The following COL25A1 variants were observed in gnomAD, a reference collection of about 807,000 sequenced individuals.
COL25A1 encodes the protein collagen type XXV alpha 1 chain, also known as collagen alpha-1(XXV) chain.
A neutral mutation model predicts 128.4 loss-of-function variants in COL25A1; 103 were observed. That is an observed-to-expected ratio of 0.80 (90% confidence interval 0.68 to 0.94). The LOEUF is 0.94. Ranked by LOEUF, COL25A1 falls within the 40% of genes least tolerant of loss-of-function variation. COL25A1 has a pLI of 0.00. For missense variants in COL25A1, 745 were observed against 840.0 expected (o/e 0.89, Z 1.40); for synonymous variants, 279 against 277.2 (o/e 1.01, Z -0.06).
At chr4:109,215,958 G>GAT (rs1262347565) in intron 3 of COL25A1, among the ~76,000 whole-genome samples, 1 of 152,088 alleles carries the variant, frequency 6.6e-6, no homozygotes, top group Non-Finnish European at 1.5e-5. Flanking sequence ...ATTGGGTTCA[G>GAT]ATAGGTATGT....
chr4:108,930,017 T>C (rs1746536459), intron 11 of COL25A1, among the ~76,000 whole-genome samples: 1 of 152,156 alleles, frequency 6.6e-6, no homozygotes, highest in Non-Finnish European at 1.5e-5. Flanking sequence ...GTCACTCTTA[T>C]TATTAAACAC....
chr4:109,277,491 A>G (rs1337839073), intron 3 of COL25A1, among the ~76,000 whole-genome samples: 2 of 152,126 alleles, frequency 1.3e-5, no homozygotes, highest in South Asian at 2.1e-4. Flanking sequence ...TTTGAAACAG[A>G]TTTTTTAAAA....
chr4:108,998,575 A>G (rs531924978), intron 6 of COL25A1, among the ~76,000 whole-genome samples: 64 of 152,346 alleles, frequency 4.2e-4, no homozygotes, highest in Non-Finnish European at 7.8e-4. Flanking sequence ...TATCCCCATC[A>G]GGCTACCAAT....
At chr4:108,945,553 G>GA (rs1748628277) in intron 8 of COL25A1, among the ~76,000 whole-genome samples, 1 of 146,984 alleles carries the variant, frequency 6.8e-6, no homozygotes, top group African/African-American at 2.5e-5. Context: ...TTGCATCTTA[G>GA]AAAATTTGCC....
intron 3 of COL25A1, among the ~76,000 whole-genome samples, chr4:109,078,471 T>G (rs924797260): frequency 3.9e-5 from 6 of 152,204 alleles, no homozygotes; most frequent in Non-Finnish European, 8.8e-5. Context: ...TCACCAAAAC[T>G]GTCATGCAGG....
chr4:109,093,304 T>C (rs1340661790), intron 3 of COL25A1, among the ~76,000 whole-genome samples: 3 of 152,084 alleles, frequency 2.0e-5, no homozygotes, highest in Non-Finnish European at 4.4e-5. Flanking sequence ...GACGTCTCAA[T>C]TAATTTAATC....
chr4:108,863,487 G>T, intron 20 of COL25A1, 100 bp from the exon 21 acceptor site: 1 of 915,824 alleles, frequency 1.1e-6, no homozygotes, highest in East Asian at 2.7e-5. Context: ...AAAGCAGAGA[G>T]TTTTCATTGA....
chr4:108,982,172 C>T (rs528082745), intron 6 of COL25A1, among the ~76,000 whole-genome samples: 6 of 152,272 alleles, frequency 3.9e-5, no homozygotes, highest in African/African-American at 1.4e-4. Context: ...CCAGCCTGGG[C>T]AACAGAGTGA....
At chr4:109,094,606 T>A (rs1274017539) in intron 3 of COL25A1, among the ~76,000 whole-genome samples, 1 of 152,216 alleles carries the variant, frequency 6.6e-6, no homozygotes, top group African/African-American at 2.4e-5. Context: ...TCATACCTAG[T>A]CCTTGACATA....
In COL25A1 at chr4:108,941,440, G is replaced by A. The variant is rs374543591; in HGVS notation, c.493-3C>T. Reference sequence around the variant, plus strand: ...TGATTGATTTTAGGAAACACCATCTGATCAGTCAGTTGAGGTCAAAGGTTG... The same window carrying A: ...TGATTGATTTTAGGAAACACCATCTAATCAGTCAGTTGAGGTCAAAGGTTG... On this transcript the variant is annotated splice_polypyrimidine_tract_variant and splice_region_variant and intron_variant, in intron 8 of 37. Transcript: ENST00000399132. The A allele has an allele frequency of 9.3e-6, 15 of 1,612,904 alleles. No homozygotes were observed. In the South Asian group the frequency reaches 1.2e-4, roughly 13 times the overall value.
chr4:109,227,444 T>A (rs1006259263), intron 3 of COL25A1, among the ~76,000 whole-genome samples: 4 of 152,194 alleles, frequency 2.6e-5, no homozygotes, highest in African/African-American at 9.7e-5. Context: ...TTTGCTGGCA[T>A]TGCCACTTTT....
intron 6 of COL25A1, among the ~76,000 whole-genome samples, chr4:109,007,823 C>T (rs1257809022): frequency 2.0e-5 from 3 of 152,220 alleles, no homozygotes; most frequent in Admixed American, 6.5e-5. Context: ...CCATGATATA[C>T]GTTCATTCTT....
At chr4:109,028,663 T>A (rs1758545035) in intron 5 of COL25A1, among the ~76,000 whole-genome samples, 1 of 151,548 alleles carries the variant, frequency 6.6e-6, no homozygotes, top group African/African-American at 2.4e-5. Flanking sequence ...GAGGCGGAGG[T>A]TGCAGGGGGC....
intron 3 of COL25A1, among the ~76,000 whole-genome samples, chr4:109,298,847 G>A (rs150735659): frequency 3.9e-4 from 60 of 152,056 alleles, no homozygotes; most frequent in African/African-American, 1.4e-3. Context: ...GGTGGCAAGA[G>A]GTAAAGCAGC....
At chr4:109,231,772 C>T (rs914939451) in intron 3 of COL25A1, among the ~76,000 whole-genome samples, 8 of 152,312 alleles carry the variant, frequency 5.3e-5, no homozygotes, top group African/African-American at 1.9e-4. Flanking sequence ...GCAATTCAGG[C>T]AGACCTGGTC....
chr4:109,184,532 T>C (rs545105613), intron 3 of COL25A1, among the ~76,000 whole-genome samples: 1 of 152,264 alleles, frequency 6.6e-6, no homozygotes, highest in South Asian at 2.1e-4. Context: ...CTAGACTATA[T>C]TTAGCTCCAA....
At chr4:108,860,894 G>C (rs1359662273) in intron 23 of COL25A1, 33 bp downstream of exon 23, 1 of 1,603,578 alleles carries the variant, frequency 6.2e-7, no homozygotes. Flanking sequence ...ATTGTAGGGA[G>C]CAAAAGTTTA....
At chr4:109,208,359 G>A (rs1777178081) in intron 3 of COL25A1, among the ~76,000 whole-genome samples, 1 of 151,844 alleles carries the variant, frequency 6.6e-6, no homozygotes, top group Non-Finnish European at 1.5e-5. Flanking sequence ...ATACACTGAG[G>A]AGTCTCTTTT....
chr4:108,944,492 C>A (rs538141669), intron 8 of COL25A1, among the ~76,000 whole-genome samples: 5 of 152,252 alleles, frequency 3.3e-5, no homozygotes, highest in African/African-American at 1.2e-4. Flanking sequence ...TATGAGGGAT[C>A]AGAATCTTGA....
Sources: allele counts gnomAD v4.1 joint callset (sites outside exome capture counted in the v4.1 genomes callset), GRCh38; gene constraint gnomAD v4.1.1; transcripts MANE v1.5; gene names NCBI Gene and HGNC (gene_info 2026-07-23, HGNC 2026-07-21).